SIPA1L2: variants seen among roughly 807,000 people sequenced by gnomAD.
The protein encoded by SIPA1L2 is signal-induced proliferation-associated 1-like protein 2.
Under a neutral mutation model 163.9 loss-of-function variants are expected in SIPA1L2, and 56 were observed. The ratio of observed to expected loss-of-function variants is 0.34; its 90% CI spans 0.28 to 0.43. SIPA1L2 has a LOEUF of 0.43. SIPA1L2 is among the 20% of genes least tolerant of loss of function. The pLI is 1.00. For synonymous variants in SIPA1L2, 877 were observed against 865.7 expected (o/e 1.01, Z -0.23); for missense variants, 1,974 against 2,193.5 (o/e 0.90, Z 2.00).
At position 232,515,160 on chromosome 1, in the gene SIPA1L2, G is replaced by A. The variant is rs183381383; in HGVS notation, c.180C>T (p.Gly60=). Residue 60 remains glycine (G), a synonymous_variant, in exon 3 of 23, where the codon GGC becomes GGT. Coordinates refer to ENST00000674635, the MANE Select transcript of SIPA1L2 (RefSeq NM_020808.5). ...SLNASNSNET[G]GGGPANGTPA... Reference sequence around the variant, plus strand: ...GGGTACCATTAGCCGGACCACCACCGCCAGTCTCATTGGAATTCGAGGCAT... The same window carrying A: ...GGGTACCATTAGCCGGACCACCACCACCAGTCTCATTGGAATTCGAGGCAT... 7.1e-5 allele frequency: 115 copies of A among 1,614,142 alleles called. No individual in the cohort carries two copies. The East Asian group carries it at 9.4e-4, about 13-fold the overall frequency.
At position 232,497,313 on chromosome 1, in the gene SIPA1L2, A is replaced by G. The variant is rs920579662; in HGVS notation, c.1484-3653T>C. Among the ~76,000 whole-genome samples, 64 of 152,314 alleles carry G rather than the reference A, an allele frequency of 4.2e-4. 1 individual carries two copies. The highest frequency in any genetic ancestry group is 3.6e-3 in the Admixed American group (55 of 15,306). On this transcript the variant is annotated intron_variant, in intron 3 of 22. Transcript: ENST00000674635. ...TTTAGAAAAGTCAATTTTACTGTAC[A>G]TAAAATATACCTTCAGTTTTAAAAA...
At chr1:232,620,881 A>G (rs1020055028) in intron 1 of SIPA1L2, among the ~76,000 whole-genome samples, 6 of 152,232 alleles carry the variant, frequency 3.9e-5, no homozygotes, top group Non-Finnish European at 8.8e-5. Context: ...TACATCTGCA[A>G]GGGTGTTATT....
At chr1:232,584,919 G>A (rs544940681) in intron 1 of SIPA1L2, among the ~76,000 whole-genome samples, 4 of 152,332 alleles carry the variant, frequency 2.6e-5, no homozygotes, top group Non-Finnish European at 5.9e-5. Context: ...TAACTATGTT[G>A]CCATCCATAT....
rs560437592 is a variant in SIPA1L2, at chr1:232,403,549, G to A, written c.4839C>T (p.Cys1613=). The change falls in exon 21 of 23, where the codon TGC becomes TGT. Residue 1613 remains cysteine (C), a synonymous_variant. Transcript: ENST00000674635. ...SYLDQRVASF[C]TLTDMQHGQD... ...GCCCATGCTGCATATCTGTCAGGGT[G>A]CAGAAGGATGCCACCCTCTGGTCTG... The A allele has an allele frequency of 1.2e-4, 188 of 1,613,812 alleles. No homozygotes were observed. The South Asian group carries it at 1.4e-3, about 12-fold the overall frequency.
intron 8 of SIPA1L2, among the ~76,000 whole-genome samples, chr1:232,469,318 T>C (rs1664685199): frequency 6.6e-6 from 1 of 152,204 alleles, no homozygotes; most frequent in Admixed American, 6.5e-5. Flanking sequence ...TCCTTGGAAA[T>C]TATTTTAATG....
intron 7 of SIPA1L2, among the ~76,000 whole-genome samples, chr1:232,479,307 A>G (rs1665201244): frequency 6.6e-6 from 1 of 152,218 alleles, no homozygotes; most frequent in African/African-American, 2.4e-5. Flanking sequence ...CCCACACACA[A>G]AAACCGAAGT....
rs777040737 is a variant in SIPA1L2 at position 232,515,103 on chromosome 1, C to T, written c.237G>A (p.Arg79=). The T allele has an allele frequency of 7.4e-6, 12 of 1,613,990 alleles. No homozygotes were observed. Among genetic ancestry groups the T allele is most frequent in the Non-Finnish European group, 9.3e-6 (11 of 1,179,918 alleles). Residue 79 remains arginine (R), a synonymous_variant, in exon 3 of 23, where the codon AGG becomes AGA. Coordinates refer to ENST00000674635, the MANE Select transcript of SIPA1L2 (RefSeq NM_020808.5). ...PAVPKMGVRA[R]VSEWPPKKDC... ...CCTTTTTAGGAGGCCATTCAGACACCCTTGCTCTCACACCCATCTTGGGCA... is the reference window on the plus strand; with the variant it reads ...CCTTTTTAGGAGGCCATTCAGACACTCTTGCTCTCACACCCATCTTGGGCA...
At chr1:232,608,650 G>C (rs1558302317) in intron 1 of SIPA1L2, among the ~76,000 whole-genome samples, 1 of 152,128 alleles carries the variant, frequency 6.6e-6, no homozygotes, top group Non-Finnish European at 1.5e-5. Context: ...AGTTACTAAA[G>C]ATGTTTCTCT....
At chr1:232,564,134 GT>G (rs368352108) in intron 2 of SIPA1L2, among the ~76,000 whole-genome samples, 17,016 of 52,790 alleles carry the variant, frequency 0.32, 3,184 homozygotes, top group East Asian at 0.51. Context: ...GACGAAGGTT[GT>G]TTTTTTTTTT....
At chr1:232,569,610 C>T (rs865788147) in intron 2 of SIPA1L2, among the ~76,000 whole-genome samples, 1 of 152,140 alleles carries the variant, frequency 6.6e-6, no homozygotes. Flanking sequence ...GTGAGGAGTT[C>T]GAGACCAGCC....
Position 232,514,229 on chromosome 1 carries a change from T to G in SIPA1L2, c.1111A>C (p.Thr371Pro). The G allele has an allele frequency of 6.2e-7, 1 of 1,614,242 alleles. No homozygotes were observed. The highest frequency in any genetic ancestry group is 8.5e-7 in the Non-Finnish European group (1 of 1,180,044). ...ASAASQTQMPTGQTGNCESPL... is the reference protein window; with the variant it reads ...ASAASQTQMPPGQTGNCESPL... ...GACTCACAGTTGCCTGTCTGGCCCG[T>G]AGGCATCTGAGTCTGGGATGCTGCA... is the stretch of plus-strand genomic sequence containing the variant. The change falls in exon 3 of 23, where the codon ACG (threonine) becomes CCG (proline). Residue 371 changes from threonine to proline, a missense_variant. Around this residue, in one of 3 missense-constraint regions of SIPA1L2, gnomAD observed 607 missense variants for 624.0 expected, o/e 0.97. Coordinates refer to ENST00000674635, the MANE Select transcript of SIPA1L2 (RefSeq NM_020808.5).
intron 2 of SIPA1L2, among the ~76,000 whole-genome samples, chr1:232,541,933 A>AT (rs1491165739): frequency 1.0e-5 from 1 of 95,990 alleles, no homozygotes; most frequent in African/African-American, 5.3e-5. Context: ...GCTGAGCCTT[A>AT]AATCTCTCTC....
chr1:232,540,005 T>A (rs779368930), intron 2 of SIPA1L2, among the ~76,000 whole-genome samples: 10 of 151,994 alleles, frequency 6.6e-5, no homozygotes, highest in African/African-American at 2.4e-4. Context: ...TCCCAGCAAG[T>A]TAAAACTTCA....
intron 2 of SIPA1L2, among the ~76,000 whole-genome samples, chr1:232,533,199 T>A (rs1657088531): frequency 6.6e-6 from 1 of 152,214 alleles, no homozygotes; most frequent in African/African-American, 2.4e-5. Flanking sequence ...AGACAGTTTT[T>A]AACAAGTTCC....
Position 232,607,718 on chromosome 1 carries a change from A to C in SIPA1L2, c.-319+22151T>G, listed in dbSNP as rs1266103964. On this transcript the variant is annotated intron_variant, in intron 1 of 22. Coordinates refer to ENST00000674635, the MANE Select transcript of SIPA1L2 (RefSeq NM_020808.5). ...GGCACACAGGTAGGGTTACATGGTGATGTTCCCATCTGCACTTATTTCCCA... is the reference window on the plus strand; with the variant it reads ...GGCACACAGGTAGGGTTACATGGTGCTGTTCCCATCTGCACTTATTTCCCA... Among the ~76,000 whole-genome samples the C allele has an allele frequency of 4.9e-4, 73 of 148,816 alleles. 1 individual carries two copies. The highest frequency in any genetic ancestry group is 1.0e-4 in the Non-Finnish European group (7 of 67,388).
At chr1:232,506,925 T>A (rs1389503077) in intron 3 of SIPA1L2, among the ~76,000 whole-genome samples, 1 of 152,238 alleles carries the variant, frequency 6.6e-6, no homozygotes, top group Non-Finnish European at 1.5e-5. Context: ...TTCTTTTAGA[T>A]TTCTAGAAAA....
chr1:232,629,358 G>C (rs1467870204), intron 1 of SIPA1L2, among the ~76,000 whole-genome samples: 1 of 152,226 alleles, frequency 6.6e-6, no homozygotes, highest in African/African-American at 2.4e-5. Flanking sequence ...TGAGTGAGAA[G>C]AGCGCTCGCC....
In SIPA1L2 at chr1:232,403,360, C is replaced by T. The variant is rs377225248; in HGVS notation, c.4940+88G>A. The T allele has an allele frequency of 6.0e-5, 92 of 1,523,640 alleles. No homozygotes were observed. The African/African-American group carries it at 1.0e-3, about 17-fold the overall frequency. The allele number at this position is 1,523,640 out of a possible 1,614,324, so 94.4% of individuals were successfully genotyped here. On this transcript the variant is annotated intron_variant, in intron 21 of 22. Coordinates refer to ENST00000674635, the MANE Select transcript of SIPA1L2 (RefSeq NM_020808.5). ...AAGGGCATGGTGCAATATGGTCGCC[C>T]GCCTGGCTCAGGGTTAGTCGGTTAG...
At chr1:232,534,064 G>A (rs776877914) in intron 2 of SIPA1L2, among the ~76,000 whole-genome samples, 1 of 151,486 alleles carries the variant, frequency 6.6e-6, no homozygotes, top group African/African-American at 2.4e-5. Context: ...GAAACCTCAA[G>A]GGACCCCAAA....
Sources: allele counts gnomAD v4.1 joint callset (sites outside exome capture counted in the v4.1 genomes callset), GRCh38; gene constraint gnomAD v4.1.1; regional missense constraint gnomAD v4.1.1; transcripts MANE v1.5; gene names NCBI Gene and HGNC (gene_info 2026-07-23, HGNC 2026-07-21).